The following PITPNC1 variants were observed in gnomAD, a reference collection of about 807,000 sequenced individuals.
The protein encoded by PITPNC1 is phosphatidylinositol transfer protein cytoplasmic 1.
In PITPNC1, 18 loss-of-function variants were observed where a neutral mutation model predicts 44.7. The observed-to-expected ratio is 0.40, with a 90% CI of 0.28 to 0.60. PITPNC1 has a LOEUF of 0.60. PITPNC1 is among the 20% of genes least tolerant of loss of function. The pLI is 0.39. For missense variants in PITPNC1, 290 were observed against 418.4 expected (o/e 0.69, Z 2.68); for synonymous variants, 141 against 149.6 (o/e 0.94, Z 0.42).
intron 2 of PITPNC1, 34 bp downstream of exon 2, chr17:67,532,984 C>T (rs1568029815): frequency 6.4e-7 from 1 of 1,566,380 alleles, no homozygotes; most frequent in Non-Finnish European, 8.7e-7. Context: ...TGCACAGAAG[C>T]CCCCTCCCAC....
rs143417058 is a variant in PITPNC1 at position 67,481,186 on chromosome 17, C to T, written c.49-51616C>T. The stretch of plus-strand genomic sequence containing the variant: ...CGTGCCACTGCACCTCCAGCCTAGG[C>T]GACAGAGCGAGACCTGGCCTGCCTT... On this transcript the variant is annotated intron_variant, in intron 1 of 8. Transcript: ENST00000581322. Among the ~76,000 whole-genome samples, 5 of 152,316 alleles carry T rather than the reference C, an allele frequency of 3.3e-5. No individual in the cohort carries two copies. In the East Asian group the frequency reaches 5.8e-4, roughly 18 times the overall value.
chr17:67,617,803 C>T (rs941848967), intron 5 of PITPNC1, among the ~76,000 whole-genome samples: 1 of 152,040 alleles, frequency 6.6e-6, no homozygotes, highest in African/African-American at 2.4e-5. Flanking sequence ...TATCTGTGTC[C>T]TCTCCTCTTC....
intron 1 of PITPNC1, among the ~76,000 whole-genome samples, chr17:67,448,670 C>T (rs563467138): frequency 6.6e-6 from 1 of 152,320 alleles, no homozygotes; most frequent in South Asian, 2.1e-4. Flanking sequence ...TTCCTGTGGG[C>T]TCTTATCTTC....
At chr17:67,434,872 G>T (rs2038913140) in intron 1 of PITPNC1, among the ~76,000 whole-genome samples, 2 of 151,742 alleles carry the variant, frequency 1.3e-5, no homozygotes, top group Admixed American at 1.3e-4. Flanking sequence ...ACTTTGGGAG[G>T]CTGAGGTGGG....
rs2043015130 is a variant in PITPNC1, at chr17:67,696,677, C to T, written c.*3789C>T. 1 of 152,188 alleles carries T rather than the reference C, an allele frequency of 6.6e-6. No individual in the cohort carries two copies. Among genetic ancestry groups the T allele is most frequent in the African/African-American group, 2.4e-5 (1 of 41,434 alleles). The allele number at this position is 152,188 out of a possible 1,614,324, so 9.4% of individuals were successfully genotyped here. A position where few individuals can be genotyped will look rare whatever the true frequency, so the allele number is the denominator to read the frequency against. The stretch of plus-strand genomic sequence containing the variant: ...AGTGTACACAATAGCACACTGTTGG[C>T]ATGCTGAGGCAAAACATTGGGTTCT... On this transcript the variant is annotated 3_prime_UTR_variant, in exon 9 of 9. Coordinates refer to ENST00000581322, the MANE Select transcript of PITPNC1 (RefSeq NM_012417.4).
chr17:67,617,855 T>C (rs1490378816), intron 5 of PITPNC1, among the ~76,000 whole-genome samples: 3 of 152,108 alleles, frequency 2.0e-5, no homozygotes, highest in African/African-American at 7.2e-5. Context: ...CCACCCTAAA[T>C]CCAGGATGAC....
At chr17:67,553,229 CTCT>C (rs2144170996) in intron 3 of PITPNC1, 1 of 160,168 alleles carries the variant, frequency 6.2e-6, no homozygotes, top group Non-Finnish European at 1.4e-5. Context: ...CAATAACAAG[CTCT>C]TCTTATTGGT....
intron 1 of PITPNC1, among the ~76,000 whole-genome samples, chr17:67,392,353 C>G (rs539731921): frequency 1.3e-5 from 2 of 152,280 alleles, no homozygotes; most frequent in South Asian, 4.1e-4. Context: ...GATCCAGTTT[C>G]TAAATCACAC....
intron 1 of PITPNC1, among the ~76,000 whole-genome samples, chr17:67,475,273 C>A (rs937366520): frequency 1.2e-4 from 18 of 152,290 alleles, no homozygotes; most frequent in Admixed American, 1.1e-3. Flanking sequence ...TGATTGTTAT[C>A]ACAGTTGGGG....
chr17:67,417,350 G>A (rs1329130371), intron 1 of PITPNC1, among the ~76,000 whole-genome samples: 1 of 151,422 alleles, frequency 6.6e-6, no homozygotes, highest in Non-Finnish European at 1.5e-5. Context: ...GGCTGGTCTC[G>A]AACTCCTGGC....
intron 1 of PITPNC1, among the ~76,000 whole-genome samples, chr17:67,449,415 T>C (rs1357548417): frequency 2.2e-4 from 34 of 152,234 alleles, no homozygotes; most frequent in Admixed American, 2.2e-3. Context: ...AGTGTTCTAA[T>C]CACCTATTTT....
chr17:67,517,728 C>T (rs966154204), intron 1 of PITPNC1, among the ~76,000 whole-genome samples: 1 of 152,084 alleles, frequency 6.6e-6, no homozygotes, highest in African/African-American at 2.4e-5. Flanking sequence ...CAGAAGGTAA[C>T]TTAGTGGTTG....
chr17:67,439,604 ATT>A (rs1308515827), intron 1 of PITPNC1, among the ~76,000 whole-genome samples: 2 of 152,208 alleles, frequency 1.3e-5, no homozygotes, highest in Non-Finnish European at 2.9e-5. Flanking sequence ...CATTTCACTC[ATT>A]CATTTATTGA....
chr17:67,444,067 T>G (rs2039057647), intron 1 of PITPNC1, among the ~76,000 whole-genome samples: 1 of 152,090 alleles, frequency 6.6e-6, no homozygotes, highest in South Asian at 2.1e-4. Context: ...TAGAACAGCC[T>G]GATGAACCCA....
At chr17:67,546,804 A>G (rs1727663629) in intron 2 of PITPNC1, among the ~76,000 whole-genome samples, 1 of 152,134 alleles carries the variant, frequency 6.6e-6, no homozygotes, top group Non-Finnish European at 1.5e-5. Context: ...CTTGCCTCCC[A>G]CAGCTGATAA....
chr17:67,462,217 CT>C (rs2039348729), intron 1 of PITPNC1, among the ~76,000 whole-genome samples: 1 of 96,230 alleles, frequency 1.0e-5, no homozygotes, highest in African/African-American at 4.2e-5. Flanking sequence ...TTTTCTCTTT[CT>C]TTCTTTCTTT....
intron 4 of PITPNC1, among the ~76,000 whole-genome samples, chr17:67,555,672 CA>C (rs67935513): frequency 0.072 from 5,636 of 77,902 alleles, 150 homozygotes; most frequent in African/African-American, 0.12. Context: ...ACTAAAAATA[CA>C]AAAAAAAAAA....
intron 1 of PITPNC1, among the ~76,000 whole-genome samples, chr17:67,410,487 G>A (rs1292686235): frequency 2.0e-5 from 3 of 152,070 alleles, no homozygotes; most frequent in African/African-American, 2.4e-5. Context: ...AATCCCGAGT[G>A]ATCCTCCCAC....
chr17:67,395,315 C>CT (rs2038201880), intron 1 of PITPNC1, among the ~76,000 whole-genome samples: 2 of 151,842 alleles, frequency 1.3e-5, no homozygotes, highest in African/African-American at 4.8e-5. Context: ...TAATTTTTTT[C>CT]TTTTTGTAGA....
Sources: allele counts gnomAD v4.1 joint callset (sites outside exome capture counted in the v4.1 genomes callset), GRCh38; gene constraint gnomAD v4.1.1; transcripts MANE v1.5; gene names NCBI Gene and HGNC (gene_info 2026-07-23, HGNC 2026-07-21).